CDH18: variants seen among roughly 807,000 people sequenced by gnomAD.
CDH18 encodes cadherin-18.
A neutral mutation model predicts 67.9 loss-of-function variants in CDH18; 31 were observed. The observed-to-expected ratio is 0.46, with a 90% CI of 0.34 to 0.62. The LOEUF (loss-of-function observed/expected upper bound fraction) is 0.62. Ranked by LOEUF, CDH18 falls within the 20% of genes least tolerant of loss-of-function variation. CDH18 has a pLI of 0.01. For missense variants in CDH18, 890 were observed against 975.5 expected, an observed-to-expected ratio of 0.91 and a Z score of 1.17; for synonymous variants, 362 against 347.2, an observed-to-expected ratio of 1.04 and a Z score of -0.48.
At chr5:20,487,645 T>C (rs1247086122) in intron 1 of CDH18, among the ~76,000 whole-genome samples, 1 of 151,442 alleles carries the variant, frequency 6.6e-6, no homozygotes, top group African/African-American at 2.4e-5. Flanking sequence ...CTTATTTTAT[T>C]TCAAAATCTG....
chr5:20,097,812 T>G lies in CDH18; in HGVS notation c.-517-105798A>C, dbSNP rs554201500. Reference sequence around the variant, plus strand: ...TCGATATCTATTTTTAGCATATATTTAAGGTTATTTTTTATGAATATAAAA... The same window carrying G: ...TCGATATCTATTTTTAGCATATATTGAAGGTTATTTTTTATGAATATAAAA... On this transcript the variant is annotated intron_variant, in intron 2 of 14. Coordinates refer to the CDH18 transcript ENST00000507958. Among the ~76,000 whole-genome samples, 6 of 152,280 alleles carry G rather than the reference T, an allele frequency of 3.9e-5. No homozygotes were observed. The East Asian group carries it at 1.2e-3, about 29-fold the overall frequency.
At chr5:20,091,043 C>T (rs531318201) in intron 2 of CDH18, among the ~76,000 whole-genome samples, 1 of 149,922 alleles carries the variant, frequency 6.7e-6, no homozygotes, top group Admixed American at 6.6e-5. Flanking sequence ...GAATGAGAAC[C>T]TGTCTCCAAA....
At chr5:20,400,341 G>A (rs948669569) in intron 1 of CDH18, among the ~76,000 whole-genome samples, 1 of 152,014 alleles carries the variant, frequency 6.6e-6, no homozygotes, top group Non-Finnish European at 1.5e-5. Context: ...ACCCAGGCGT[G>A]GTGTCAGGCA....
chr5:20,525,174 A>T (rs139051214), intron 1 of CDH18, among the ~76,000 whole-genome samples: 99 of 152,184 alleles, frequency 6.5e-4, no homozygotes, highest in Non-Finnish European at 1.2e-3. Flanking sequence ...TTCATTCTGG[A>T]AGGAAGCCCA....
At chr5:20,013,104 C>A (rs1221335625) in intron 2 of CDH18, among the ~76,000 whole-genome samples, 1 of 152,048 alleles carries the variant, frequency 6.6e-6, no homozygotes, top group African/African-American at 2.4e-5. Flanking sequence ...TAACTGGTTT[C>A]TTCACATCAC....
At chr5:20,502,818 A>C (rs1754415213) in intron 1 of CDH18, among the ~76,000 whole-genome samples, 1 of 152,144 alleles carries the variant, frequency 6.6e-6, no homozygotes, top group Non-Finnish European at 1.5e-5. Flanking sequence ...TACATTTATA[A>C]AGGAGAATTG....
At chr5:19,915,342 T>G (rs2150149660) in intron 2 of CDH18, among the ~76,000 whole-genome samples, 1 of 152,282 alleles carries the variant, frequency 6.6e-6, no homozygotes, top group African/African-American at 2.4e-5. Context: ...CTTTTATAGC[T>G]GACCCTTGGA....
At chr5:20,009,884 A>C (rs1737250985) in intron 2 of CDH18, among the ~76,000 whole-genome samples, 1 of 152,134 alleles carries the variant, frequency 6.6e-6, no homozygotes, top group African/African-American at 2.4e-5. Context: ...TTATTTTTAA[A>C]ATATAATGAA....
At chr5:20,014,438 T>C (rs986821690) in intron 2 of CDH18, among the ~76,000 whole-genome samples, 2 of 152,058 alleles carry the variant, frequency 1.3e-5, no homozygotes, top group Non-Finnish European at 2.9e-5. Context: ...AGATGTCCTA[T>C]GCTGCTGCAT....
At chr5:19,706,023 G>A (rs1363337964) in intron 5 of CDH18, among the ~76,000 whole-genome samples, 2 of 152,102 alleles carry the variant, frequency 1.3e-5, no homozygotes, top group Non-Finnish European at 2.9e-5. Flanking sequence ...AAGTTTTCCA[G>A]ACGCCCTATA....
intron 2 of CDH18, among the ~76,000 whole-genome samples, chr5:20,091,863 G>T (rs1264162017): frequency 6.6e-6 from 1 of 151,992 alleles, no homozygotes; most frequent in Non-Finnish European, 1.5e-5. Context: ...ATTAAGCAAA[G>T]AACCTCCAGA....
At chr5:19,804,865 C>T (rs1777870123) in intron 3 of CDH18, among the ~76,000 whole-genome samples, 1 of 152,092 alleles carries the variant, frequency 6.6e-6, no homozygotes. Flanking sequence ...ATGGCTCAGC[C>T]TCTGAAGATT....
chr5:20,443,209 C>CAAAAAA (rs72353299), intron 1 of CDH18, among the ~76,000 whole-genome samples: 9 of 77,514 alleles, frequency 1.2e-4, no homozygotes, highest in African/African-American at 3.9e-4. Context: ...GACTCCGTCA[C>CAAAAAA]AAAAAAAAAA....
intron 1 of CDH18, among the ~76,000 whole-genome samples, chr5:20,313,424 A>T (rs1028427933): frequency 6.6e-6 from 1 of 152,122 alleles, no homozygotes; most frequent in African/African-American, 2.4e-5. Flanking sequence ...TTCTGAAATT[A>T]AAACATCTTT....
intron 2 of CDH18, among the ~76,000 whole-genome samples, chr5:20,242,470 T>C (rs1743005434): frequency 6.6e-6 from 1 of 151,086 alleles, no homozygotes; most frequent in Admixed American, 6.6e-5. Context: ...GATCATATGA[T>C]ATTTGTCTTC....
intron 2 of CDH18, among the ~76,000 whole-genome samples, chr5:20,228,752 TA>T (rs1741835272): frequency 6.6e-6 from 1 of 152,138 alleles, no homozygotes; most frequent in Admixed American, 6.6e-5. Flanking sequence ...CTTAGCATAA[TA>T]TCCTCCACAT....
intron 5 of CDH18, among the ~76,000 whole-genome samples, chr5:19,702,819 T>C (rs1475729909): frequency 6.6e-6 from 1 of 152,072 alleles, no homozygotes; most frequent in East Asian, 1.9e-4. Flanking sequence ...GCACCCACAC[T>C]GAAGGTTGTT....
chr5:20,067,181 T>C (rs976569258), intron 2 of CDH18, among the ~76,000 whole-genome samples: 1 of 151,890 alleles, frequency 6.6e-6, no homozygotes, highest in Non-Finnish European at 1.5e-5. Context: ...ATCAGTGACT[T>C]GAGCGTTGAG....
chr5:19,879,913 T>C (rs1787437419), intron 2 of CDH18, among the ~76,000 whole-genome samples: 1 of 151,978 alleles, frequency 6.6e-6, no homozygotes, highest in Admixed American at 6.6e-5. Flanking sequence ...CTTTTAAAGG[T>C]GACTTAATGA....
Sources: allele counts gnomAD v4.1 joint callset (sites outside exome capture counted in the v4.1 genomes callset), GRCh38; gene constraint gnomAD v4.1.1; transcripts MANE v1.5; gene names NCBI Gene and HGNC (gene_info 2026-07-23, HGNC 2026-07-21).